SGCZ: variants seen among roughly 807,000 people sequenced by gnomAD.
SGCZ encodes zeta-sarcoglycan.
Under a neutral mutation model 41.3 loss-of-function variants are expected in SGCZ, and 40 were observed. The ratio of observed to expected loss-of-function variants is 0.97; its 90% CI spans 0.75 to 1.26. The LOEUF is 1.26. SGCZ is among the 50% of genes most tolerant of loss of function. The probability of loss-of-function intolerance (pLI) is 0.00; values close to 1 mark genes in which losing one functional copy is unlikely to be tolerated. For missense variants in SGCZ, 552 were observed against 369.8 expected (o/e 1.49, Z -4.04); for synonymous variants, 206 against 137.5 (o/e 1.50, Z -3.49).
chr8:14,649,794 C>G (rs1807338765), intron 1 of SGCZ, among the ~76,000 whole-genome samples: 1 of 151,998 alleles, frequency 6.6e-6, no homozygotes, highest in South Asian at 2.1e-4. Flanking sequence ...ATGACCAGCA[C>G]AGGAATAAAT....
rs1563124096 is a variant in SGCZ, at chr8:15,097,884, GTGTGTATATATATAT to G, written c.39+139686_39+139700del. On this transcript the variant is annotated intron_variant, in intron 1 of 7. Transcript: ENST00000382080. Reference sequence around the variant, plus strand: ...TGTGTGTGTATATATATATATATACGTGTGTATATATATATATATATATATACGTGTGTATATATA... The same window carrying G: ...TGTGTGTGTATATATATATATATACGATATATATATACGTGTGTATATATA... 6.4e-4 allele frequency among the ~76,000 whole-genome samples: 10 copies of G among 15,610 alleles called. 1 individual carries two copies. Among genetic ancestry groups the G allele is most frequent in the African/African-American group, 7.3e-4 (4 of 5,494 alleles). 10.2% of individuals were successfully genotyped at this position (15,610 alleles called of 152,430 possible).
chr8:14,839,448 G>C (rs747408011), intron 1 of SGCZ, among the ~76,000 whole-genome samples: 11 of 152,142 alleles, frequency 7.2e-5, no homozygotes, highest in Non-Finnish European at 1.5e-4. Flanking sequence ...TTGGATTTAT[G>C]TCTGGAGTTC....
chr8:14,809,989 C>T lies in SGCZ; in HGVS notation c.40-255063G>A, dbSNP rs533718049. On this transcript the variant is annotated intron_variant, in intron 1 of 7. Transcript: ENST00000382080. Reference sequence around the variant, plus strand: ...CCTTATTTTAAGAAACTCAAGCTGGCATATACATTAAACACTTGACATATA... The same window carrying T: ...CCTTATTTTAAGAAACTCAAGCTGGTATATACATTAAACACTTGACATATA... Among the ~76,000 whole-genome samples the T allele has an allele frequency of 7.2e-5, 11 of 152,096 alleles. No individual in the cohort carries two copies. In the East Asian group the frequency reaches 2.1e-3, roughly 29 times the overall value.
chr8:14,694,837 A>G (rs1437281332), intron 1 of SGCZ, among the ~76,000 whole-genome samples: 1 of 152,214 alleles, frequency 6.6e-6, no homozygotes, highest in East Asian at 1.9e-4. Context: ...TTGCTCAGAA[A>G]TATTGTCTAT....
chr8:14,164,549 A>T, intron 5 of SGCZ, 31 bp downstream of exon 5: 1 of 1,611,844 alleles, frequency 6.2e-7, no homozygotes, highest in South Asian at 1.1e-5. Context: ...TAAAGAAGTA[A>T]ACAATTTTTC....
At chr8:14,246,080 A>G (rs1799077053) in intron 3 of SGCZ, among the ~76,000 whole-genome samples, 2 of 152,230 alleles carry the variant, frequency 1.3e-5, no homozygotes, top group South Asian at 4.1e-4. Flanking sequence ...CATTTGACCC[A>G]GCCATCACAT....
intron 1 of SGCZ, among the ~76,000 whole-genome samples, chr8:15,099,120 T>C (rs572860275): frequency 6.6e-6 from 1 of 152,304 alleles, no homozygotes; most frequent in Admixed American, 6.5e-5. Context: ...ACCATGGTTT[T>C]TCAAATTGTT....
At chr8:14,697,161 T>C (rs1050898938) in intron 1 of SGCZ, among the ~76,000 whole-genome samples, 3 of 151,980 alleles carry the variant, frequency 2.0e-5, no homozygotes, top group Admixed American at 2.0e-4. Flanking sequence ...ATAATAATGG[T>C]GGTCTCATTA....
At chr8:14,788,522 A>C (rs763808014) in intron 1 of SGCZ, among the ~76,000 whole-genome samples, 1 of 152,216 alleles carries the variant, frequency 6.6e-6, no homozygotes, top group Middle Eastern at 3.2e-3. Context: ...ACAGTAGCTT[A>C]ACTTTTTAAC....
intron 1 of SGCZ, among the ~76,000 whole-genome samples, chr8:14,669,693 T>TACACACAC (rs35602830): frequency 3.4e-5 from 5 of 147,556 alleles, no homozygotes; most frequent in African/African-American, 1.2e-4. Context: ...ATTTTGTGTA[T>TACACACAC]ACACACACAC....
chr8:14,275,197 G>C (rs539337302), intron 3 of SGCZ, among the ~76,000 whole-genome samples: 1 of 152,194 alleles, frequency 6.6e-6, no homozygotes, highest in South Asian at 2.1e-4. Flanking sequence ...CAAACTGCAA[G>C]TTTTCTAATC....
chr8:14,746,648 T>C (rs977886988), intron 1 of SGCZ, among the ~76,000 whole-genome samples: 1 of 152,140 alleles, frequency 6.6e-6, no homozygotes, highest in Non-Finnish European at 1.5e-5. Flanking sequence ...AGAGAAAAGA[T>C]ACTACACTTG....
intron 1 of SGCZ, among the ~76,000 whole-genome samples, chr8:15,035,283 G>A (rs1216726047): frequency 1.3e-5 from 2 of 152,102 alleles, no homozygotes; most frequent in East Asian, 1.9e-4. Context: ...AAACTAGCCT[G>A]TTGTAACTAT....
intron 3 of SGCZ, among the ~76,000 whole-genome samples, chr8:14,258,044 G>T (rs1799526843): frequency 6.6e-6 from 1 of 152,136 alleles, no homozygotes; most frequent in African/African-American, 2.4e-5. Context: ...GTGACATTTT[G>T]ATTGAACTTG....
intron 2 of SGCZ, among the ~76,000 whole-genome samples, chr8:14,491,692 G>T: frequency 6.6e-6 from 1 of 152,098 alleles, no homozygotes; most frequent in East Asian, 1.9e-4. Flanking sequence ...AAGAAGACAA[G>T]AAATAAAATT....
At chr8:14,378,495 C>T (rs927995236) in intron 2 of SGCZ, among the ~76,000 whole-genome samples, 1 of 152,028 alleles carries the variant, frequency 6.6e-6, no homozygotes, top group African/African-American at 2.4e-5. Flanking sequence ...AACAGGCAAC[C>T]TACAAAATGG....
chr8:14,747,689 T>TTAA (rs1463218021), intron 1 of SGCZ, among the ~76,000 whole-genome samples: 3 of 135,488 alleles, frequency 2.2e-5, no homozygotes, highest in African/African-American at 7.8e-5. Flanking sequence ...ATTATTATTA[T>TTAA]TATGTGTGTG....
In SGCZ at chr8:14,689,749, T is replaced by C. The variant is rs535610969; in HGVS notation, c.40-134823A>G. Among the ~76,000 whole-genome samples the C allele has an allele frequency of 4.5e-4, 69 of 152,284 alleles. 1 individual carries two copies. Among genetic ancestry groups the C allele is most frequent in the African/African-American group, 1.6e-3 (67 of 41,556 alleles). On this transcript the variant is annotated intron_variant, in intron 1 of 7. Coordinates refer to ENST00000382080, the MANE Select transcript of SGCZ (RefSeq NM_139167.4). ...AAACTGTGTAATCACTGTCAGTTCT[T>C]CCAGATAGAGGCAGTGGATATCTAT...
intron 1 of SGCZ, among the ~76,000 whole-genome samples, chr8:14,871,430 G>A (rs1005220474): frequency 2.0e-5 from 3 of 152,028 alleles, no homozygotes. Context: ...AAAGATACAT[G>A]CACACATATG....
Sources: allele counts gnomAD v4.1 joint callset (sites outside exome capture counted in the v4.1 genomes callset), GRCh38; gene constraint gnomAD v4.1.1; transcripts MANE v1.5; gene names NCBI Gene and HGNC (gene_info 2026-07-23, HGNC 2026-07-21).